Variants in DRC10 observed in about 807,000 individuals in gnomAD.
DRC10 encodes dynein regulatory complex subunit 10.
the DRC10 span, among the ~76,000 whole-genome samples, chr12:113,196,389 C>T: frequency 6.6e-5 from 10 of 152,186 alleles, no homozygotes; most frequent in African/African-American, 9.7e-5. Flanking sequence ...AGGCCTCAAA[C>T]GGAGTCCCAG....
chr12:113,202,476 C>T, the DRC10 span, among the ~76,000 whole-genome samples: 2 of 152,174 alleles, frequency 1.3e-5, no homozygotes, highest in African/African-American at 4.8e-5. Flanking sequence ...GCCTGGCTAC[C>T]CCCATGTCTG....
the DRC10 span, among the ~76,000 whole-genome samples, chr12:113,216,796 G>A: frequency 9.9e-5 from 15 of 152,206 alleles, no homozygotes; most frequent in South Asian, 1.0e-3. Flanking sequence ...GGTTGGGTGC[G>A]GTGGCTCACT....
chr12:113,205,472 G>A, the DRC10 span, among the ~76,000 whole-genome samples: 377 of 152,228 alleles, frequency 2.5e-3, 2 homozygotes, highest in South Asian at 0.02. Flanking sequence ...TGTAGAAAAT[G>A]AAATAGAGGT....
the DRC10 span, chr12:113,208,201 C>T: frequency 1.3e-6 from 2 of 1,578,802 alleles, no homozygotes; most frequent in South Asian, 1.2e-5. Context: ...TGTAGGTCCA[C>T]AGAGATGGAG....
At chr12:113,195,583 T>C in the DRC10 span, 4 of 1,591,440 alleles carry the variant, frequency 2.5e-6, no homozygotes, top group Non-Finnish European at 3.4e-6. Context: ...GCTCATTTCT[T>C]GCCCTTGCCC....
chr12:113,219,077 A>G, the DRC10 span, among the ~76,000 whole-genome samples: 1 of 152,126 alleles, frequency 6.6e-6, no homozygotes, highest in Non-Finnish European at 1.5e-5. Context: ...ACTCTGTCAC[A>G]TAGACTGGAG....
the DRC10 span, chr12:113,220,900 C>T: frequency 3.7e-6 from 1 of 269,064 alleles, no homozygotes; most frequent in Admixed American, 4.0e-5. Flanking sequence ...GAGATCGCAG[C>T]GGGGGCTTCT....
chr12:113,213,684 C>T, the DRC10 span, among the ~76,000 whole-genome samples: 4 of 152,202 alleles, frequency 2.6e-5, no homozygotes, highest in East Asian at 1.9e-4. Context: ...TCTGGCCGGG[C>T]GCAGTGGCCC....
the DRC10 span, chr12:113,200,503 C>T: frequency 8.9e-7 from 1 of 1,128,074 alleles, no homozygotes; most frequent in East Asian, 2.6e-5. Flanking sequence ...GCTGGACCTC[C>T]AGGAGTGATG....
the DRC10 span, among the ~76,000 whole-genome samples, chr12:113,213,183 A>AC: frequency 3.3e-5 from 5 of 150,040 alleles, no homozygotes; most frequent in Non-Finnish European, 5.9e-5. Context: ...TGCTAAAAAA[A>AC]AAAAAAAAAA....
the DRC10 span, among the ~76,000 whole-genome samples, chr12:113,201,929 GGT>G: frequency 1.7e-4 from 26 of 152,300 alleles, no homozygotes; most frequent in African/African-American, 6.3e-4. Context: ...GTGCCTGATT[GGT>G]GTCTCCCCTC....
the DRC10 span, among the ~76,000 whole-genome samples, chr12:113,197,921 A>C: frequency 6.6e-6 from 1 of 152,372 alleles, no homozygotes; most frequent in South Asian, 2.1e-4. Flanking sequence ...TGTGCTGTTT[A>C]AAGGACAGAA....
the DRC10 span, chr12:113,208,192 G>A: frequency 1.2e-5 from 19 of 1,591,984 alleles, no homozygotes; most frequent in Non-Finnish European, 1.5e-5. Flanking sequence ...CTGTGCCTCT[G>A]TAGGTCCACA....
At chr12:113,203,687 G>A in the DRC10 span, among the ~76,000 whole-genome samples, 1 of 151,842 alleles carries the variant, frequency 6.6e-6, no homozygotes, top group Non-Finnish European at 1.5e-5. Flanking sequence ...TGTTGGTCAG[G>A]CTGGTCTCGA....
chr12:113,199,375 G>A, the DRC10 span, among the ~76,000 whole-genome samples: 1,579 of 151,928 alleles, frequency 0.01, 16 homozygotes, highest in Non-Finnish European at 0.015. Flanking sequence ...TGGCATGGGT[G>A]ACAGAGTGAG....
At chr12:113,203,651 T>G in the DRC10 span, among the ~76,000 whole-genome samples, 2 of 151,972 alleles carry the variant, frequency 1.3e-5, no homozygotes, top group Non-Finnish European at 2.9e-5. Context: ...AATTTTTATA[T>G]TATGAGTAGA....
At chr12:113,200,573 G>A in the DRC10 span, 35 of 1,312,788 alleles carry the variant, frequency 2.7e-5, no homozygotes, top group African/African-American at 4.1e-4. Context: ...GCTGCTTCCC[G>A]GGGCACCTTC....
At chr12:113,209,280 G>A in the DRC10 span, among the ~76,000 whole-genome samples, 1 of 152,166 alleles carries the variant, frequency 6.6e-6, no homozygotes, top group Non-Finnish European at 1.5e-5. Context: ...TTAAAAAACT[G>A]TTTCACTAAA....
chr12:113,219,294 C>T, the DRC10 span, among the ~76,000 whole-genome samples: 1 of 152,200 alleles, frequency 6.6e-6, no homozygotes, highest in Non-Finnish European at 1.5e-5. Flanking sequence ...CCTGTGCCTC[C>T]TACAGTGCTG....
Sources: allele counts gnomAD v4.1 joint callset (sites outside exome capture counted in the v4.1 genomes callset), GRCh38; gene constraint gnomAD v4.1.1; transcripts MANE v1.5; gene names NCBI Gene and HGNC (gene_info 2026-07-23, HGNC 2026-07-21).